Variants in APCS observed in about 807,000 individuals in gnomAD.
APCS encodes the protein serum amyloid P-component.
Under a neutral mutation model 2.5 loss-of-function variants are expected in APCS, and 2 were observed. That is an observed-to-expected ratio of 0.80 (90% CI 0.33 to 2.53). The LOEUF (loss-of-function observed/expected upper bound fraction) is 2.53. Ranked by LOEUF, APCS falls within the 30% of genes most tolerant of loss-of-function variation. The pLI, the probability that APCS is intolerant of heterozygous loss-of-function variation, is 0.11. For missense variants in APCS, 302 were observed against 258.9 expected (o/e 1.17, Z -1.14); for synonymous variants, 109 against 102.5 (o/e 1.06, Z -0.39).
Position 159,588,861 on chromosome 1 carries a change from T to C in APCS, c.*153T>C. 1.2e-6 allele frequency: 1 copy of C among 811,166 alleles called. No homozygotes were observed. Among genetic ancestry groups the C allele is most frequent in the Non-Finnish European group, 1.8e-6 (1 of 542,052 alleles). 50.2% of individuals were successfully genotyped at this position (811,166 alleles called of 1,614,324 possible). On this transcript the variant is annotated 3_prime_UTR_variant, in exon 2 of 2. Transcript: ENST00000255040. The stretch of plus-strand genomic sequence containing the variant: ...AATTAAAAAAATATATATTGTATTA[T>C]GCTACCTGCATTTGTTTAGTGCTTG...
chr1:159,588,385 T>C lies in APCS; in HGVS notation c.349T>C (p.Trp117Arg). 1 of 1,614,164 alleles carries C rather than the reference T, an allele frequency of 6.2e-7. No individual in the cohort carries two copies. The highest frequency in any genetic ancestry group is 8.5e-7 in the Non-Finnish European group (1 of 1,180,016). The part of the protein sequence containing the change: ...FPAPVHICVS[W>R]ESSSGIAEFW... ...GGCTCCAGTGCACATCTGTGTGAGC[T>C]GGGAGTCCTCATCAGGTATTGCTGA... The change falls in exon 2 of 2, where the codon TGG becomes CGG. Residue 117 changes from tryptophan (W) to arginine (R), a missense_variant. Trp to Arg is a moderately radical substitution (Grantham distance 101). Coordinates refer to ENST00000255040, the MANE Select transcript of APCS (RefSeq NM_001639.4).
Position 159,588,631 on chromosome 1 carries a change from G to A in APCS, c.595G>A (p.Ala199Thr), listed in dbSNP as rs1311947101. Residue 199 changes from alanine (A) to threonine (T), a missense_variant, in exon 2 of 2, where the codon GCC (alanine) becomes ACC (threonine). Ala to Thr is a moderately conservative substitution (Grantham distance 58). Transcript: ENST00000255040. ...TGCCTATCAGGGTACCCCTCTCCCT[G>A]CCAATATCCTGGACTGGCAGGCTCT... Reference protein sequence around the residue: ...LSAYQGTPLPANILDWQALNY... With the variant: ...LSAYQGTPLPTNILDWQALNY... 1.9e-6 allele frequency: 3 copies of A among 1,613,568 alleles called. No individual in the cohort carries two copies. The highest frequency in any genetic ancestry group is 1.3e-5 in the African/African-American group (1 of 74,766).
Position 159,588,136 on chromosome 1 carries a change from T to C in APCS, c.100T>C (p.Ser34Pro). The C allele has an allele frequency of 6.2e-7, 1 of 1,613,966 alleles. No homozygotes were observed. Among genetic ancestry groups the C allele is most frequent in the South Asian group, 1.1e-5 (1 of 91,080 alleles). The part of the protein sequence containing the change: ...SGKVFVFPRE[S>P]VTDHVNLITP... Reference sequence around the variant, plus strand: ...GAAGGTGTTTGTATTTCCTAGAGAATCTGTTACTGATCATGTAAACTTGAT... The same window carrying C: ...GAAGGTGTTTGTATTTCCTAGAGAACCTGTTACTGATCATGTAAACTTGAT... Residue 34 changes from serine (S) to proline (P), a missense_variant, in exon 2 of 2, where the codon TCT becomes CCT. By Grantham distance (74) the Ser-to-Pro change is moderately conservative. Transcript: ENST00000255040.
Position 159,588,073 on chromosome 1 carries a change from T to C in APCS, c.65-28T>C, listed in dbSNP as rs756176594. 8.1e-6 allele frequency: 13 copies of C among 1,613,022 alleles called. No individual in the cohort carries two copies. In the African/African-American group the frequency reaches 1.1e-4, roughly 13 times the overall value. On this transcript the variant is annotated intron_variant, in intron 1 of 1. Coordinates refer to ENST00000255040, the MANE Select transcript of APCS (RefSeq NM_001639.4). ...CTTTTCCCTGCATTTATACTGAAGGTCATTATCTTTCTTTCTTTATCCCGC... is the reference window on the plus strand; with the variant it reads ...CTTTTCCCTGCATTTATACTGAAGGCCATTATCTTTCTTTCTTTATCCCGC...
At position 159,588,669 on chromosome 1, in the gene APCS, C is replaced by T; in HGVS notation, c.633C>T (p.Ile211=). Residue 211 remains isoleucine, a synonymous_variant, in exon 2 of 2, where the codon ATC becomes ATT. Transcript: ENST00000255040. ...ILDWQALNYE[I]RGYVIIKPLV... is the part of the protein sequence containing the mutation. ...ACTGGCAGGCTCTGAACTATGAAAT[C>T]AGAGGATATGTCATCATCAAACCCT... The T allele has an allele frequency of 3.1e-6, 5 of 1,613,678 alleles. No homozygotes were observed. In the East Asian group the frequency reaches 1.1e-4, roughly 36 times the overall value.
Position 159,587,826 on chromosome 1 carries a change from G to A in APCS, c.-96G>A. ...AAACCCTGAATAACCTGAAGTCTAA[G>A]GGCATGAATATCAGACGCTAGGGGG... is the stretch of plus-strand genomic sequence containing the variant. On this transcript the variant is annotated 5_prime_UTR_variant, in exon 1 of 2. Coordinates refer to ENST00000255040, the MANE Select transcript of APCS (RefSeq NM_001639.4). 1 of 1,289,288 alleles carries A rather than the reference G, an allele frequency of 7.8e-7. No homozygotes were observed. The highest frequency in any genetic ancestry group is 1.1e-6 in the Non-Finnish European group (1 of 888,650). 79.9% of individuals were successfully genotyped at this position (1,289,288 alleles called of 1,614,324 possible). A position where few individuals can be genotyped will look rare whatever the true frequency, so the allele number is the denominator to read the frequency against.
At position 159,588,799 on chromosome 1, in the gene APCS, T is replaced by C. The variant is rs200473312; in HGVS notation, c.*91T>C. ...GGATACTAGATCTTACATCTGCAGC[T>C]CTTTCTTCTTTGAATTTCCTATCTG... On this transcript the variant is annotated 3_prime_UTR_variant, in exon 2 of 2. Coordinates refer to ENST00000255040, the MANE Select transcript of APCS (RefSeq NM_001639.4). 5 of 1,361,816 alleles carry C rather than the reference T, an allele frequency of 3.7e-6. No homozygotes were observed. The highest frequency in any genetic ancestry group is 5.0e-6 in the Non-Finnish European group (5 of 1,005,728). 84.4% of individuals were successfully genotyped at this position (1,361,816 alleles called of 1,614,324 possible). A position where few individuals can be genotyped will look rare whatever the true frequency, so the allele number is the denominator to read the frequency against.
At position 159,587,859 on chromosome 1, in the gene APCS, C is replaced by T. The variant is rs1658794637; in HGVS notation, c.-63C>T. 1 of 1,533,568 alleles carries T rather than the reference C, an allele frequency of 6.5e-7. No individual in the cohort carries two copies. The highest frequency in any genetic ancestry group is 1.1e-5 in the South Asian group (1 of 89,228). The allele number at this position is 1,533,568 out of a possible 1,614,324, so 95.0% of individuals were successfully genotyped here. A position where few individuals can be genotyped will look rare whatever the true frequency, so the allele number is the denominator to read the frequency against. On this transcript the variant is annotated 5_prime_UTR_variant, in exon 1 of 2. Transcript: ENST00000255040. ...ATATCAGACGCTAGGGGGACAGCCA[C>T]TGTGTTGTCTGCTACCCTCATCCTG...
In APCS at chr1:159,588,672, A is replaced by C; in HGVS notation, c.636A>C (p.Arg212Ser). ...GGCAGGCTCTGAACTATGAAATCAGAGGATATGTCATCATCAAACCCTTGG... is the reference window on the plus strand; with the variant it reads ...GGCAGGCTCTGAACTATGAAATCAGCGGATATGTCATCATCAAACCCTTGG... Reference protein sequence around the residue: ...LDWQALNYEIRGYVIIKPLVW... With the variant: ...LDWQALNYEISGYVIIKPLVW... Residue 212 changes from arginine to serine, a missense_variant, in exon 2 of 2, where the codon AGA (arginine) becomes AGC (serine). Transcript: ENST00000255040. The C allele has an allele frequency of 2.5e-6, 4 of 1,613,598 alleles. No individual in the cohort carries two copies. The highest frequency in any genetic ancestry group is 2.5e-6 in the Non-Finnish European group (3 of 1,179,860).
Position 159,588,720 on chromosome 1 carries a change from A to G in APCS, c.*12A>G, listed in dbSNP as rs1658820770. The stretch of plus-strand genomic sequence containing the variant: ...TGGTGTGGGTCTGAGGTCTTGACTC[A>G]ACGAGAGCACTTGAAAATGAAATGA... On this transcript the variant is annotated 3_prime_UTR_variant, in exon 2 of 2. Coordinates refer to ENST00000255040, the MANE Select transcript of APCS (RefSeq NM_001639.4). 4 of 1,593,608 alleles carry G rather than the reference A, an allele frequency of 2.5e-6. No individual in the cohort carries two copies. The East Asian group carries it at 9.0e-5, about 36-fold the overall frequency.
In APCS at chr1:159,587,981, C is replaced by A. The variant is rs201717830; in HGVS notation, c.60C>A (p.His20Gln). 1.2e-6 allele frequency: 2 copies of A among 1,614,084 alleles called. No homozygotes were observed. The highest frequency in any genetic ancestry group is 1.7e-6 in the Non-Finnish European group (2 of 1,179,980). ...CCAGCCTCCTGGAAGCCTTTGCTCA[C>A]ACAGGTAAGGAGGTGAAGGAATGGT... ...VLTSLLEAFAHTDLSGKVFVF... is the reference protein window; with the variant it reads ...VLTSLLEAFAQTDLSGKVFVF... Residue 20 changes from histidine (H) to glutamine (Q), a missense_variant, in exon 1 of 2, where the codon CAC (histidine) becomes CAA (glutamine). Coordinates refer to ENST00000255040, the MANE Select transcript of APCS (RefSeq NM_001639.4).
Position 159,587,907 on chromosome 1 carries a change from C to T in APCS, c.-15C>T, listed in dbSNP as rs544861970. ...CTGGTCACTGCTTCTGCTATAACAG[C>T]CCTAGGCCAGGAATATGAACAAGCC... On this transcript the variant is annotated 5_prime_UTR_variant, in exon 1 of 2. Coordinates refer to ENST00000255040, the MANE Select transcript of APCS (RefSeq NM_001639.4). 6 of 1,613,202 alleles carry T rather than the reference C, an allele frequency of 3.7e-6. No individual in the cohort carries two copies. The highest frequency in any genetic ancestry group is 3.3e-5 in the Admixed American group (2 of 60,006).
In APCS at chr1:159,588,709, G is replaced by A. The variant is rs766891924; in HGVS notation, c.*1G>A. 3.1e-6 allele frequency: 5 copies of A among 1,603,608 alleles called. No individual in the cohort carries two copies. The Admixed American group carries it at 6.7e-5, about 22-fold the overall frequency. ...CATCAAACCCTTGGTGTGGGTCTGA[G>A]GTCTTGACTCAACGAGAGCACTTGA... is the stretch of plus-strand genomic sequence containing the variant. On this transcript the variant is annotated 3_prime_UTR_variant, in exon 2 of 2. Transcript: ENST00000255040.
chr1:159,588,800 C>G lies in APCS; in HGVS notation c.*92C>G. Reference sequence around the variant, plus strand: ...GATACTAGATCTTACATCTGCAGCTCTTTCTTCTTTGAATTTCCTATCTGT... The same window carrying G: ...GATACTAGATCTTACATCTGCAGCTGTTTCTTCTTTGAATTTCCTATCTGT... On this transcript the variant is annotated 3_prime_UTR_variant, in exon 2 of 2. Coordinates refer to ENST00000255040, the MANE Select transcript of APCS (RefSeq NM_001639.4). 1 of 1,362,448 alleles carries G rather than the reference C, an allele frequency of 7.3e-7. No individual in the cohort carries two copies. Among genetic ancestry groups the G allele is most frequent in the Non-Finnish European group, 9.9e-7 (1 of 1,006,896 alleles). 84.4% of individuals were successfully genotyped at this position (1,362,448 alleles called of 1,614,324 possible). A position where few individuals can be genotyped will look rare whatever the true frequency, so the allele number is the denominator to read the frequency against.
At position 159,588,722 on chromosome 1, in the gene APCS, C is replaced by T. The variant is rs201186513; in HGVS notation, c.*14C>T. The T allele has an allele frequency of 9.6e-4, 1,531 of 1,591,830 alleles. 17 individuals carry two copies. Among genetic ancestry groups the T allele is most frequent in the Middle Eastern group, 1.7e-3 (10 of 5,936 alleles). ...GTGTGGGTCTGAGGTCTTGACTCAA[C>T]GAGAGCACTTGAAAATGAAATGACT... is the stretch of plus-strand genomic sequence containing the variant. On this transcript the variant is annotated 3_prime_UTR_variant, in exon 2 of 2. Coordinates refer to ENST00000255040, the MANE Select transcript of APCS (RefSeq NM_001639.4).
chr1:159,587,870 G>A lies in APCS; in HGVS notation c.-52G>A. 1 of 1,573,438 alleles carries A rather than the reference G, an allele frequency of 6.4e-7. No homozygotes were observed. Among genetic ancestry groups the A allele is most frequent in the Non-Finnish European group, 8.7e-7 (1 of 1,144,692 alleles). On this transcript the variant is annotated 5_prime_UTR_variant, in exon 1 of 2. Coordinates refer to ENST00000255040, the MANE Select transcript of APCS (RefSeq NM_001639.4). ...TAGGGGGACAGCCACTGTGTTGTCT[G>A]CTACCCTCATCCTGGTCACTGCTTC... is the stretch of plus-strand genomic sequence containing the variant.
Position 159,588,530 on chromosome 1 carries a change from G to A in APCS, c.494G>A (p.Arg165Lys), listed in dbSNP as rs2101627322. The A allele has an allele frequency of 1.9e-6, 3 of 1,614,002 alleles. No individual in the cohort carries two copies. The highest frequency in any genetic ancestry group is 4.5e-5 in the East Asian group (2 of 44,866). The change falls in exon 2 of 2, where the codon AGG becomes AAG. Residue 165 changes from arginine (R) to lysine (K), a missense_variant. Arg to Lys is a conservative substitution (Grantham distance 26, BLOSUM62 2). Coordinates refer to ENST00000255040, the MANE Select transcript of APCS (RefSeq NM_001639.4). ...GATTCCTATGGGGGCAAGTTTGATAGGAGCCAGTCCTTTGTGGGAGAGATT... is the reference window on the plus strand; with the variant it reads ...GATTCCTATGGGGGCAAGTTTGATAAGAGCCAGTCCTTTGTGGGAGAGATT... ...EQDSYGGKFD[R>K]SQSFVGEIGD...
rs1553192752 is a variant in APCS at position 159,588,549 on chromosome 1, A to G, written c.513A>G (p.Gly171=). The part of the protein sequence containing the change: ...GKFDRSQSFV[G]EIGDLYMWDS... ...TTGATAGGAGCCAGTCCTTTGTGGG[A>G]GAGATTGGGGATTTGTACATGTGGG... The change falls in exon 2 of 2, where the codon GGA becomes GGG. Residue 171 remains glycine, a synonymous_variant. Coordinates refer to ENST00000255040, the MANE Select transcript of APCS (RefSeq NM_001639.4). The G allele has an allele frequency of 6.2e-7, 1 of 1,613,938 alleles. No individual in the cohort carries two copies.
chr1:159,588,682 A>C lies in APCS; in HGVS notation c.646A>C (p.Ile216Leu), dbSNP rs775122176. Residue 216 changes from isoleucine to leucine, a missense_variant, in exon 2 of 2, where the codon ATC (isoleucine) becomes CTC (leucine). Transcript: ENST00000255040. Reference protein sequence around the residue: ...ALNYEIRGYVIIKPLVWV With the variant: ...ALNYEIRGYVLIKPLVWV ...GAACTATGAAATCAGAGGATATGTC[A>C]TCATCAAACCCTTGGTGTGGGTCTG... The C allele has an allele frequency of 6.2e-6, 10 of 1,613,294 alleles. No homozygotes were observed. The highest frequency in any genetic ancestry group is 7.6e-6 in the Non-Finnish European group (9 of 1,179,698).
Sources: allele counts gnomAD v4.1 joint callset, GRCh38; gene constraint gnomAD v4.1.1; transcripts MANE v1.5; gene names NCBI Gene and HGNC (gene_info 2026-07-23, HGNC 2026-07-21).